SRCIN1: variants seen among roughly 807,000 people sequenced by gnomAD.
The protein encoded by SRCIN1 is P130Cas-associated protein.
Under a neutral mutation model 116.2 loss-of-function variants are expected in SRCIN1, and 50 were observed. The ratio of observed to expected loss-of-function variants is 0.43; its 90% CI spans 0.34 to 0.54. The LOEUF (loss-of-function observed/expected upper bound fraction) is 0.54. Ranked by LOEUF, SRCIN1 falls within the 20% of genes least tolerant of loss-of-function variation. The pLI is 0.02. For synonymous variants in SRCIN1, 736 were observed against 750.0 expected, an observed-to-expected ratio of 0.98 and a Z score of 0.30; for missense variants, 1,446 against 1,672.0, an observed-to-expected ratio of 0.86 and a Z score of 2.36.
intron 18 of SRCIN1, among the ~76,000 whole-genome samples, chr17:38,540,042 AAGT>A (rs1904631915): frequency 6.6e-6 from 1 of 151,324 alleles, no homozygotes; most frequent in African/African-American, 2.4e-5. Context: ...AAAAAAAAAA[AAGT>A]ATCTTCATTT....
intron 15 of SRCIN1, among the ~76,000 whole-genome samples, chr17:38,550,399 CA>C (rs1473419603): frequency 3.9e-5 from 6 of 152,102 alleles, no homozygotes; most frequent in Non-Finnish European, 8.8e-5. Context: ...GAGGCTGAGG[CA>C]GGAGAATGGC....
intron 17 of SRCIN1, among the ~76,000 whole-genome samples, chr17:38,547,166 C>A (rs1300280149): frequency 6.6e-6 from 1 of 152,238 alleles, no homozygotes; most frequent in Non-Finnish European, 1.5e-5. Context: ...CCATTCCAGG[C>A]TCTCTGTCCA....
chr17:38,537,406 G>A (rs553497654), intron 18 of SRCIN1, among the ~76,000 whole-genome samples: 35 of 152,002 alleles, frequency 2.3e-4, no homozygotes, highest in Admixed American at 5.2e-4. Context: ...AGGCTGAGGC[G>A]GGAGGATGGA....
At chr17:38,601,603 G>A (rs919134111) in intron 1 of SRCIN1, among the ~76,000 whole-genome samples, 14 of 151,906 alleles carry the variant, frequency 9.2e-5, no homozygotes, top group Non-Finnish European at 1.6e-4. Context: ...GTGGTGTGGG[G>A]AGGGGGATGG....
rs1194865701 is a variant in SRCIN1, at chr17:38,574,193, T to G, written c.324+4297A>C. Among the ~76,000 whole-genome samples, 3 of 152,302 alleles carry G rather than the reference T, an allele frequency of 2.0e-5. No homozygotes were observed. In the East Asian group the frequency reaches 5.8e-4, roughly 29 times the overall value. ...GGCTGTCCCCTTCCCATTGCAACTC[T>G]GATGCCTATTTTGGGCCTCAGATGC... On this transcript the variant is annotated intron_variant, in intron 2 of 18. Transcript: ENST00000617146.
chr17:38,549,600 G>C (rs1305784566), intron 15 of SRCIN1, among the ~76,000 whole-genome samples: 1 of 152,216 alleles, frequency 6.6e-6, no homozygotes, highest in South Asian at 2.1e-4. Context: ...CCTTCCCACT[G>C]CCCCTCACCC....
intron 18 of SRCIN1, among the ~76,000 whole-genome samples, chr17:38,536,373 T>C (rs1027020446): frequency 2.0e-5 from 3 of 152,168 alleles, no homozygotes. Context: ...TGATTCCAAT[T>C]ATGTCCAGAG....
chr17:38,571,395 T>C (rs1421975405), intron 2 of SRCIN1, among the ~76,000 whole-genome samples: 1 of 152,184 alleles, frequency 6.6e-6, no homozygotes, highest in Non-Finnish European at 1.5e-5. Context: ...GATCTCTGAA[T>C]ACTCTGGTCT....
chr17:38,586,905 T>C (rs1237621737), intron 1 of SRCIN1, among the ~76,000 whole-genome samples: 3 of 151,680 alleles, frequency 2.0e-5, no homozygotes, highest in Non-Finnish European at 4.4e-5. Context: ...GCGGTGAGGC[T>C]GGGGGCCTGG....
intron 17 of SRCIN1, among the ~76,000 whole-genome samples, chr17:38,547,530 T>C (rs1297324309): frequency 6.6e-6 from 1 of 152,142 alleles, no homozygotes; most frequent in African/African-American, 2.4e-5. Flanking sequence ...CCCAGGCTGC[T>C]GGAGTCTCAG....
rs1480429506 is a variant in SRCIN1 at position 38,549,124 on chromosome 17, GGGA to G, written c.3046_3048del (p.Ser1016del). 4 of 1,608,784 alleles carry G rather than the reference GGGA, an allele frequency of 2.5e-6. No individual in the cohort carries two copies. Among genetic ancestry groups the G allele is most frequent in the Non-Finnish European group, 3.4e-6 (4 of 1,178,546 alleles). On this transcript the variant is annotated inframe_deletion, in exon 16 of 19. Coordinates refer to ENST00000617146, the MANE Select transcript of SRCIN1 (RefSeq NM_025248.3). ...CCGGTACGTGTGGTGGTCAGGCCAT[GGGA>G]GGAGGGGAAGCTCCGGCGGGGAGGG...
rs186257585 is a variant in SRCIN1, at chr17:38,553,515, C to T, written c.2202-660G>A. ...AAGAACCAGAGGCAGAGCACGTGCC[C>T]CCGGGGAGGTCTCTTGTCTCGGGGG... On this transcript the variant is annotated intron_variant, in intron 11 of 18. Transcript: ENST00000617146. Among the ~76,000 whole-genome samples, 289 of 152,100 alleles carry T rather than the reference C, an allele frequency of 1.9e-3. 1 individual carries two copies. Among genetic ancestry groups the T allele is most frequent in the African/African-American group, 6.7e-3 (280 of 41,490 alleles).
At chr17:38,588,541 GGCCGGTGCCTGTCCTCA>G (rs72359003) in intron 1 of SRCIN1, among the ~76,000 whole-genome samples, 4,834 of 152,278 alleles carry the variant, frequency 0.032, 245 homozygotes, top group African/African-American at 0.11. Context: ...AAGGGAGGAA[GGCCGGTGCCTGTCCTCA>G]GCTCTGCCAT....
intron 3 of SRCIN1, among the ~76,000 whole-genome samples, chr17:38,564,592 T>C (rs1202797557): frequency 6.6e-6 from 1 of 152,070 alleles, no homozygotes; most frequent in Non-Finnish European, 1.5e-5. Context: ...GTGGGAGCCA[T>C]GGGCACGGCT....
intron 2 of SRCIN1, among the ~76,000 whole-genome samples, chr17:38,570,513 C>T (rs911231776): frequency 6.6e-6 from 1 of 152,248 alleles, no homozygotes; most frequent in Non-Finnish European, 1.5e-5. Context: ...CTGTCCCATG[C>T]CTATCATGTC....
In SRCIN1 at chr17:38,532,017, CCTCT is replaced by C. The variant is rs368596080; in HGVS notation, c.*1276_*1279del. On this transcript the variant is annotated 3_prime_UTR_variant, in exon 19 of 19. Transcript: ENST00000617146. This position sits in a 1 kb window ranked among gnomAD's most constrained non-coding sequence, Gnocchi z 4.3. The stretch of plus-strand genomic sequence containing the variant: ...GGCCAGGAGTGAGAACCAAAATTGG[CCTCT>C]CTCTGCCTCCCCAGGACCCGGCCAA... The C allele has an allele frequency of 7.2e-5, 11 of 152,578 alleles. No individual in the cohort carries two copies. Among genetic ancestry groups the C allele is most frequent in the African/African-American group, 2.4e-4 (10 of 41,588 alleles). 9.5% of individuals were successfully genotyped at this position (152,578 alleles called of 1,614,324 possible). A position where few individuals can be genotyped will look rare whatever the true frequency, so the allele number is the denominator to read the frequency against.
At chr17:38,556,222 G>C (rs1392248398) in intron 11 of SRCIN1, among the ~76,000 whole-genome samples, 1 of 152,204 alleles carries the variant, frequency 6.6e-6, no homozygotes, top group Non-Finnish European at 1.5e-5. Flanking sequence ...AAATTATTAA[G>C]AATTTCAAGA....
At chr17:38,596,209 G>C (rs933929447) in intron 1 of SRCIN1, among the ~76,000 whole-genome samples, 1 of 152,240 alleles carries the variant, frequency 6.6e-6, no homozygotes, top group Non-Finnish European at 1.5e-5. Flanking sequence ...GGAGAGAGGA[G>C]GGGGCCGGGG....
At chr17:38,539,380 C>T (rs538246096) in intron 18 of SRCIN1, among the ~76,000 whole-genome samples, 2 of 152,146 alleles carry the variant, frequency 1.3e-5, no homozygotes, top group Admixed American at 6.5e-5. Context: ...GAGCCACTGC[C>T]CCTGGCCTCC....
Sources: gnomAD v4.1 joint callset for allele counts (sites outside exome capture counted in the v4.1 genomes callset) on GRCh38, gnomAD v4.1.1 for gene constraint, Gnocchi (gnomAD v3.1) non-coding constraint, MANE v1.5 for transcripts, NCBI Gene and HGNC (gene_info 2026-07-23, HGNC 2026-07-21) for gene names.